Variants in DYNC2H1 observed in about 807,000 individuals in gnomAD.
DYNC2H1 encodes dynein cytoplasmic 2 heavy chain 1.
DYNC2H1 carries 410 observed loss-of-function variants against 570.0 expected under a neutral mutation model. That is an observed-to-expected ratio of 0.72 (90% CI 0.66 to 0.78). The LOEUF is 0.78. Among genes scored for constraint, DYNC2H1 ranks in the 30% least tolerant of loss-of-function variants. The pLI is 0.00. For missense variants in DYNC2H1, 4,865 were observed against 5,046.4 expected, an observed-to-expected ratio of 0.96 and a Z score of 1.09; for synonymous variants, 1,688 against 1,677.6, an observed-to-expected ratio of 1.01 and a Z score of -0.15.
chr11:103,377,150 C>T (rs1278934596), intron 83 of DYNC2H1, among the ~76,000 whole-genome samples: 2 of 152,178 alleles, frequency 1.3e-5, no homozygotes, highest in African/African-American at 4.8e-5. Context: ...ATGTTCATAT[C>T]TCTCCCAAGA....
intron 84 of DYNC2H1, among the ~76,000 whole-genome samples, chr11:103,429,399 T>G (rs1360080502): frequency 1.3e-5 from 2 of 152,216 alleles, no homozygotes; most frequent in Non-Finnish European, 2.9e-5. Context: ...AATTAAATCT[T>G]TTAGATCTGA....
At chr11:103,410,720 A>G (rs1453282054) in intron 84 of DYNC2H1, among the ~76,000 whole-genome samples, 2 of 152,102 alleles carry the variant, frequency 1.3e-5, no homozygotes, top group Non-Finnish European at 2.9e-5. Flanking sequence ...GTTTTTTACA[A>G]CTTAAATGGA....
intron 11 of DYNC2H1, 124 bp from the exon 12 acceptor site, chr11:103,124,976 T>A: frequency 1.5e-6 from 1 of 679,512 alleles, no homozygotes; most frequent in Non-Finnish European, 2.3e-6. Context: ...AAGCTATAAT[T>A]AAAAAGTTTT....
At position 103,153,405 on chromosome 11, in the gene DYNC2H1, G is replaced by A; in HGVS notation, c.3199G>A (p.Val1067Ile). 1 of 1,559,972 alleles carries A rather than the reference G, an allele frequency of 6.4e-7. No individual in the cohort carries two copies. Among genetic ancestry groups the A allele is most frequent in the Non-Finnish European group, 8.7e-7 (1 of 1,151,186 alleles). The change falls in exon 22 of 89, where the codon GTT (valine) becomes ATT (isoleucine). Residue 1067 changes from valine to isoleucine, a missense_variant. Physicochemically the swap from Val to Ile is conservative, Grantham distance 29. Around this residue, in one of 5 missense-constraint regions of DYNC2H1, gnomAD observed 1,936 missense variants for 1,962.1 expected, o/e 0.99. Transcript: ENST00000375735. The stretch of plus-strand genomic sequence containing the variant: ...GGACCAACTAAAGCCTGGTGATGAT[G>A]TTATTGAAACTGGCCAACATAATAC... The part of the protein sequence containing the change: ...RWDQLKPGDD[V>I]IETGQHNTLD...
At chr11:103,437,372 C>CTGTCT (rs1944102134) in intron 85 of DYNC2H1, among the ~76,000 whole-genome samples, 1 of 152,118 alleles carries the variant, frequency 6.6e-6, no homozygotes, top group Non-Finnish European at 1.5e-5. Flanking sequence ...CCTTGTTCTT[C>CTGTCT]TGTCTTTTCA....
chr11:103,239,397 G>A lies in DYNC2H1; in HGVS notation c.9819+2858G>A, dbSNP rs11225619. Among the ~76,000 whole-genome samples, 9,878 of 152,100 alleles carry A rather than the reference G, an allele frequency of 0.065. 1,072 individuals carry two copies. The highest frequency in any genetic ancestry group is 0.22 in the African/African-American group (9,298 of 41,470). ...AGTAATAACAATAATCAATACTTGC[G>A]TATTACTTACCATGTTGTGCATATA... On this transcript the variant is annotated intron_variant, in intron 63 of 88. Coordinates refer to ENST00000375735, the MANE Select transcript of DYNC2H1 (RefSeq NM_001377.3). This position sits in a 1 kb window ranked among gnomAD's most constrained non-coding sequence, Gnocchi z 4.3.
At chr11:103,424,441 C>A (rs1387005330) in intron 84 of DYNC2H1, among the ~76,000 whole-genome samples, 1 of 151,998 alleles carries the variant, frequency 6.6e-6, no homozygotes, top group Non-Finnish European at 1.5e-5. Flanking sequence ...AACATATTTG[C>A]CCACTATATC....
chr11:103,121,586 T>C, intron 10 of DYNC2H1, 90 bp downstream of exon 10: 4 of 1,352,036 alleles, frequency 3.0e-6, no homozygotes, highest in Non-Finnish European at 4.0e-6. Flanking sequence ...GTAGTAAATA[T>C]ATTCTCTGTT....
chr11:103,436,066 G>T, intron 85 of DYNC2H1, 34 bp downstream of exon 85: 1 of 1,573,978 alleles, frequency 6.4e-7, no homozygotes, highest in South Asian at 1.1e-5. Flanking sequence ...TGGGTTGTCT[G>T]ACTGTGTGAC....
Position 103,280,465 on chromosome 11 carries a change from T to C in DYNC2H1, c.10761+52T>C. The C allele has an allele frequency of 7.1e-7, 1 of 1,414,084 alleles. No homozygotes were observed. The highest frequency in any genetic ancestry group is 9.8e-7 in the Non-Finnish European group (1 of 1,023,858). 87.6% of individuals were successfully genotyped at this position (1,414,084 alleles called of 1,614,324 possible). A position where few individuals can be genotyped will look rare whatever the true frequency, so the allele number is the denominator to read the frequency against. The stretch of plus-strand genomic sequence containing the variant: ...TTACAGTAACATAGAAATTTGTTAA[T>C]GGGTGGATTTATGTTTAGATTAGAA... On this transcript the variant is annotated intron_variant, in intron 71 of 88. Coordinates refer to ENST00000375735, the MANE Select transcript of DYNC2H1 (RefSeq NM_001377.3). This position sits in a 1 kb window ranked among gnomAD's most constrained non-coding sequence, Gnocchi z 4.7.
chr11:103,230,283 C>G (rs182692861), intron 59 of DYNC2H1, among the ~76,000 whole-genome samples: 16 of 152,306 alleles, frequency 1.1e-4, no homozygotes, highest in Non-Finnish European at 2.4e-4. Context: ...AGAAGTCTGA[C>G]TGGAAGCCCT....
intron 60 of DYNC2H1, among the ~76,000 whole-genome samples, chr11:103,233,830 A>ATATGTGTGTGTGTG (rs1555076328): frequency 1.7e-4 from 13 of 75,842 alleles, no homozygotes; most frequent in African/African-American, 3.6e-4. Flanking sequence ...GCTACACTTT[A>ATATGTGTGTGTGTG]TGTGTGTGTG....
Position 103,206,488 on chromosome 11 carries a change from C to T in DYNC2H1, c.8454+1524C>T, listed in dbSNP as rs544994398. Among the ~76,000 whole-genome samples the T allele has an allele frequency of 3.3e-5, 5 of 152,002 alleles. No individual in the cohort carries two copies. In the South Asian group the frequency reaches 1.0e-3, roughly 32 times the overall value. Reference sequence around the variant, plus strand: ...AAAGCTATAAGAATGAATGATATCACCAAGAGAGTAAGAATAAACAAAAGA... The same window carrying T: ...AAAGCTATAAGAATGAATGATATCATCAAGAGAGTAAGAATAAACAAAAGA... On this transcript the variant is annotated intron_variant, in intron 52 of 88. Transcript: ENST00000375735.
In DYNC2H1 at chr11:103,308,272, C is replaced by CT. The variant is rs1407529498; in HGVS notation, c.11493+446dup. 2.6e-5 allele frequency among the ~76,000 whole-genome samples: 4 copies of CT among 152,266 alleles called. No individual in the cohort carries two copies. The East Asian group carries it at 7.7e-4, about 29-fold the overall frequency. On this transcript the variant is annotated intron_variant, in intron 78 of 88. Coordinates refer to ENST00000375735, the MANE Select transcript of DYNC2H1 (RefSeq NM_001377.3). ...CTCATTTAGTAAAATCATGGATTATCTTTTTGTTATTTCACTTAACATAAT... is the reference window on the plus strand; with the variant it reads ...CTCATTTAGTAAAATCATGGATTATCTTTTTTGTTATTTCACTTAACATAAT...
chr11:103,175,823 C>A (rs910831871), intron 36 of DYNC2H1, among the ~76,000 whole-genome samples: 3 of 152,108 alleles, frequency 2.0e-5, no homozygotes, highest in Non-Finnish European at 4.4e-5. Context: ...TTCTGAAAGT[C>A]ACTTAAACCT....
intron 84 of DYNC2H1, among the ~76,000 whole-genome samples, chr11:103,411,701 A>G (rs1375307322): frequency 6.6e-6 from 1 of 151,830 alleles, no homozygotes; most frequent in Admixed American, 6.6e-5. Flanking sequence ...TAATTTTTAT[A>G]TTTTTTCTTT....
chr11:103,116,647 T>C lies in DYNC2H1; in HGVS notation c.699T>C (p.Asp233=). The part of the protein sequence containing the change: ...LVETTQDVVD[D]VWRQTEHDHY... Reference sequence around the variant, plus strand: ...AGACTACTCAGGATGTTGTAGATGATGTGTGGAGACAAACAGAACATGATC... The same window carrying C: ...AGACTACTCAGGATGTTGTAGATGACGTGTGGAGACAAACAGAACATGATC... The change falls in exon 5 of 89, where the codon GAT becomes GAC. Residue 233 remains aspartate (D), a synonymous_variant. Transcript: ENST00000375735. The C allele has an allele frequency of 1.9e-6, 3 of 1,610,168 alleles. No homozygotes were observed. The highest frequency in any genetic ancestry group is 2.5e-6 in the Non-Finnish European group (3 of 1,177,718).
intron 29 of DYNC2H1, among the ~76,000 whole-genome samples, chr11:103,162,783 C>T (rs996287615): frequency 6.6e-6 from 1 of 152,072 alleles, no homozygotes; most frequent in African/African-American, 2.4e-5. Flanking sequence ...TTTTCACACT[C>T]ATCATTATCC....
At chr11:103,137,689 A>C (rs1232969633) in intron 17 of DYNC2H1, among the ~76,000 whole-genome samples, 10 of 152,172 alleles carry the variant, frequency 6.6e-5, no homozygotes, top group African/African-American at 2.4e-4. Context: ...CTTTTGGCTT[A>C]GGATTGACTT....
Sources: allele counts gnomAD v4.1 joint callset (sites outside exome capture counted in the v4.1 genomes callset), GRCh38; gene constraint gnomAD v4.1.1; regional missense constraint gnomAD v4.1.1; non-coding constraint Gnocchi (gnomAD v3.1); transcripts MANE v1.5; gene names NCBI Gene and HGNC (gene_info 2026-07-23, HGNC 2026-07-21).